Variants in SEMA5A observed in about 807,000 individuals in gnomAD.
SEMA5A encodes semaphorin 5A, also known as semaphorin-5A.
Under a neutral mutation model 135.5 loss-of-function variants are expected in SEMA5A, and 55 were observed. The observed-to-expected ratio is 0.41, with a 90% CI of 0.33 to 0.51. SEMA5A has a LOEUF of 0.51. SEMA5A is among the 20% of genes least tolerant of loss of function. The probability of loss-of-function intolerance (pLI) is 0.37; values close to 1 mark genes in which losing one functional copy is unlikely to be tolerated. For synonymous variants in SEMA5A, 580 were observed against 546.5 expected, an observed-to-expected ratio of 1.06 and a Z score of -0.85; for missense variants, 1,290 against 1,419.9, an observed-to-expected ratio of 0.91 and a Z score of 1.47.
intron 16 of SEMA5A, among the ~76,000 whole-genome samples, chr5:9,082,711 C>A (rs1486967544): frequency 6.6e-6 from 1 of 152,166 alleles, no homozygotes; most frequent in Non-Finnish European, 1.5e-5. Flanking sequence ...TATATGGCAT[C>A]TTTACACGGA....
At chr5:9,120,560 C>T (rs1740759832) in intron 14 of SEMA5A, among the ~76,000 whole-genome samples, 1 of 152,006 alleles carries the variant, frequency 6.6e-6, no homozygotes, top group Non-Finnish European at 1.5e-5. Flanking sequence ...TAAAGATAAT[C>T]AGCTAGTATC....
chr5:9,216,208 A>G (rs1437686892), intron 8 of SEMA5A, among the ~76,000 whole-genome samples: 1 of 152,142 alleles, frequency 6.6e-6, no homozygotes, highest in Non-Finnish European at 1.5e-5. Context: ...GTTTCAACGC[A>G]CTTCTCGATT....
intron 1 of SEMA5A, among the ~76,000 whole-genome samples, chr5:9,446,412 C>A (rs934084430): frequency 6.6e-6 from 1 of 152,076 alleles, no homozygotes; most frequent in African/African-American, 2.4e-5. Flanking sequence ...TTCTGTTATG[C>A]GCTCTCTAAG....
chr5:9,379,926 T>A lies in SEMA5A; in HGVS notation c.21A>T (p.Ile7=). 6.2e-7 allele frequency: 1 copy of A among 1,613,218 alleles called. No individual in the cohort carries two copies. The highest frequency in any genetic ancestry group is 8.5e-7 in the Non-Finnish European group (1 of 1,179,496). ...GCCCCAGGCTTGAGAACAGCCATGC[T>A]ATAACACAGGTTCCCTTCATGGTGG... MKGTCV[I]AWLFSSLGLW... is the part of the protein sequence containing the mutation. Residue 7 remains isoleucine (I), a synonymous_variant, in exon 3 of 23, where the codon ATA becomes ATT. Coordinates refer to ENST00000382496, the MANE Select transcript of SEMA5A (RefSeq NM_003966.3).
chr5:9,408,827 TTTAG>T (rs1431548497), intron 2 of SEMA5A, among the ~76,000 whole-genome samples: 1 of 151,268 alleles, frequency 6.6e-6, no homozygotes, highest in African/African-American at 2.5e-5. Flanking sequence ...AAAACAAATT[TTTAG>T]TTATTTTTTT....
chr5:9,322,415 GCA>G (rs1328467167), intron 4 of SEMA5A, among the ~76,000 whole-genome samples: 1 of 152,026 alleles, frequency 6.6e-6, no homozygotes, highest in African/African-American at 2.4e-5. Flanking sequence ...AGGAAAAATA[GCA>G]CAGTTACTAT....
At chr5:9,272,997 C>A (rs145407635) in intron 5 of SEMA5A, among the ~76,000 whole-genome samples, 2 of 152,068 alleles carry the variant, frequency 1.3e-5, no homozygotes, top group African/African-American at 4.8e-5. Context: ...CAAAACTGGA[C>A]GGAGAATGAG....
intron 12 of SEMA5A, among the ~76,000 whole-genome samples, chr5:9,145,939 C>A (rs1282879051): frequency 6.6e-6 from 1 of 152,076 alleles, no homozygotes; most frequent in East Asian, 1.9e-4. Context: ...GCCACTGCAC[C>A]TGGCCAAGAA....
intron 3 of SEMA5A, among the ~76,000 whole-genome samples, chr5:9,362,184 C>T (rs554198111): frequency 3.2e-4 from 49 of 152,124 alleles, no homozygotes; most frequent in Non-Finnish European, 6.0e-4. Flanking sequence ...GGCCTCCCTG[C>T]TCATCAGGCT....
At chr5:9,187,494 G>A (rs944521070) in intron 11 of SEMA5A, among the ~76,000 whole-genome samples, 13 of 152,192 alleles carry the variant, frequency 8.5e-5, no homozygotes, top group East Asian at 3.9e-4. Flanking sequence ...GTTGGGCCCC[G>A]GGTATCTATG....
At chr5:9,439,180 G>A (rs573447882) in intron 1 of SEMA5A, among the ~76,000 whole-genome samples, 38 of 152,334 alleles carry the variant, frequency 2.5e-4, no homozygotes, top group African/African-American at 7.9e-4. Context: ...AGGAGAAGGT[G>A]CAGATGCAAA....
chr5:9,273,014 G>A (rs1173368154), intron 5 of SEMA5A, among the ~76,000 whole-genome samples: 1 of 152,174 alleles, frequency 6.6e-6, no homozygotes, highest in Non-Finnish European at 1.5e-5. Context: ...TGAGTTTGAT[G>A]AATTGACAGA....
At chr5:9,161,652 A>AGAATGTACGGGACTGCCTGG (rs1743261882) in intron 11 of SEMA5A, among the ~76,000 whole-genome samples, 1 of 152,344 alleles carries the variant, frequency 6.6e-6, no homozygotes, top group South Asian at 2.1e-4. Context: ...GGACTGCCTG[A>AGAATGTACGGGACTGCCTGG]GGATGTACAG....
At chr5:9,520,829 G>A (rs1458276150) in intron 1 of SEMA5A, among the ~76,000 whole-genome samples, 1 of 152,194 alleles carries the variant, frequency 6.6e-6, no homozygotes, top group Non-Finnish European at 1.5e-5. Context: ...AACAAGGAAA[G>A]TCTGAGAAAC....
intron 1 of SEMA5A, among the ~76,000 whole-genome samples, chr5:9,491,264 G>A (rs1030497931): frequency 3.9e-5 from 6 of 152,252 alleles, no homozygotes; most frequent in Non-Finnish European, 1.5e-5. Flanking sequence ...GAACAGGAGA[G>A]CACAGGGGAT....
chr5:9,133,182 G>A (rs563156030), intron 13 of SEMA5A, among the ~76,000 whole-genome samples: 3 of 152,088 alleles, frequency 2.0e-5, no homozygotes, highest in Non-Finnish European at 4.4e-5. Flanking sequence ...TAACACGGAA[G>A]AAAATTACAT....
chr5:9,173,439 G>A (rs984491535), intron 11 of SEMA5A, among the ~76,000 whole-genome samples: 1 of 152,082 alleles, frequency 6.6e-6, no homozygotes, highest in Non-Finnish European at 1.5e-5. Flanking sequence ...ATATCTCATA[G>A]TTCTAAAGCC....
chr5:9,288,887 G>A (rs1399992718), intron 5 of SEMA5A, among the ~76,000 whole-genome samples: 1 of 152,024 alleles, frequency 6.6e-6, no homozygotes, highest in African/African-American at 2.4e-5. Context: ...ACAAAAAAAA[G>A]GAAAGCATTT....
chr5:9,478,952 G>A (rs983432676), intron 1 of SEMA5A, among the ~76,000 whole-genome samples: 2 of 152,182 alleles, frequency 1.3e-5, no homozygotes, highest in African/African-American at 2.4e-5. Context: ...CCCACATGTT[G>A]AGGGAGGAAC....
Sources: gnomAD v4.1 joint callset for allele counts (sites outside exome capture counted in the v4.1 genomes callset) on GRCh38, gnomAD v4.1.1 for gene constraint, MANE v1.5 for transcripts, NCBI Gene and HGNC (gene_info 2026-07-23, HGNC 2026-07-21) for gene names.